The following AKAP13 variants were observed in gnomAD, a reference collection of about 807,000 sequenced individuals.
The protein encoded by AKAP13 is A-kinase anchor protein 13.
Under a neutral mutation model 264.5 loss-of-function variants are expected in AKAP13, and 80 were observed. That is an observed-to-expected ratio of 0.30 (90% CI 0.25 to 0.36). The LOEUF (loss-of-function observed/expected upper bound fraction) is 0.36. Among genes scored for constraint, AKAP13 ranks in the 10% least tolerant of loss-of-function variants. The probability of loss-of-function intolerance (pLI) is 1.00; values close to 1 mark genes in which losing one functional copy is unlikely to be tolerated. For missense variants in AKAP13, 3,712 were observed against 3,435.2 expected (o/e 1.08, Z -2.01); for synonymous variants, 1,380 against 1,250.2 (o/e 1.10, Z -2.19).
intron 1 of AKAP13, among the ~76,000 whole-genome samples, chr15:85,466,425 G>T (rs1401810858): frequency 1.3e-5 from 2 of 152,054 alleles, no homozygotes; most frequent in Non-Finnish European, 2.9e-5. Flanking sequence ...TGAAGTCCTT[G>T]CCCATGCCTA....
chr15:85,728,835 CAT>C (rs1210183266), intron 29 of AKAP13, among the ~76,000 whole-genome samples: 2 of 151,174 alleles, frequency 1.3e-5, no homozygotes, highest in Non-Finnish European at 2.9e-5. Context: ...ACAAGGGACT[CAT>C]GTAATTAAAA....
At chr15:85,523,994 G>T (rs1339193323) in intron 3 of AKAP13, among the ~76,000 whole-genome samples, 2 of 152,180 alleles carry the variant, frequency 1.3e-5, no homozygotes, top group Non-Finnish European at 2.9e-5. Context: ...TCCAGTCTTC[G>T]TGGAAAGTCC....
chr15:85,647,895 T>C (rs1370253199), intron 10 of AKAP13, among the ~76,000 whole-genome samples: 1 of 151,982 alleles, frequency 6.6e-6, no homozygotes, highest in Non-Finnish European at 1.5e-5. Context: ...GCCACTGCAC[T>C]CCAGCCTGGG....
chr15:85,526,252 T>C (rs1379674482), intron 3 of AKAP13, among the ~76,000 whole-genome samples: 1 of 151,958 alleles, frequency 6.6e-6, no homozygotes, highest in Non-Finnish European at 1.5e-5. Flanking sequence ...TTCTTTTTCT[T>C]TCTCTCTTTT....
intron 5 of AKAP13, among the ~76,000 whole-genome samples, chr15:85,552,549 G>T (rs2151236539): frequency 6.6e-6 from 1 of 151,866 alleles, no homozygotes; most frequent in East Asian, 1.9e-4. Context: ...ATGTATTTGA[G>T]GTACCTGATA....
chr15:85,500,877 C>G (rs1373057115), intron 2 of AKAP13, among the ~76,000 whole-genome samples: 2 of 152,148 alleles, frequency 1.3e-5, no homozygotes, highest in Non-Finnish European at 2.9e-5. Flanking sequence ...ACTGTTGACC[C>G]CATGTGATAT....
chr15:85,442,476 T>TATATATA (rs2073713784), intron 1 of AKAP13, among the ~76,000 whole-genome samples: 1 of 119,418 alleles, frequency 8.4e-6, no homozygotes, highest in African/African-American at 3.2e-5. Context: ...TAATATATAT[T>TATATATA]ATATAATATA....
intron 8 of AKAP13, among the ~76,000 whole-genome samples, chr15:85,634,740 C>T (rs1235491927): frequency 6.6e-6 from 1 of 152,058 alleles, no homozygotes; most frequent in African/African-American, 2.4e-5. Context: ...TCTTCTCCTT[C>T]ATTCTCTGCT....
chr15:85,390,854 T>A (rs1422032841), intron 1 of AKAP13, among the ~76,000 whole-genome samples: 1 of 152,190 alleles, frequency 6.6e-6, no homozygotes, highest in Non-Finnish European at 1.5e-5. Flanking sequence ...GGGGAAGATG[T>A]GGAATCAGTT....
intron 14 of AKAP13, among the ~76,000 whole-genome samples, chr15:85,670,298 A>G (rs1454057141): frequency 6.6e-6 from 1 of 151,924 alleles, no homozygotes; most frequent in African/African-American, 2.4e-5. Context: ...TTATATCCAT[A>G]ACTCTCCTTT....
At chr15:85,636,734 G>C (rs912792099) in intron 8 of AKAP13, among the ~76,000 whole-genome samples, 1 of 151,774 alleles carries the variant, frequency 6.6e-6, no homozygotes, top group Non-Finnish European at 1.5e-5. Flanking sequence ...CATGCCTCAG[G>C]CTCCCTAGTA....
At chr15:85,520,542 GT>G in intron 2 of AKAP13, 1 of 374,974 alleles carries the variant, frequency 2.7e-6, no homozygotes, top group Admixed American at 3.4e-5. Context: ...AGACAAAGAT[GT>G]CTTACCTTCT....
intron 1 of AKAP13, among the ~76,000 whole-genome samples, chr15:85,401,938 A>G (rs944167678): frequency 1.3e-5 from 2 of 152,350 alleles, no homozygotes; most frequent in African/African-American, 4.8e-5. Flanking sequence ...AATGTAAAGG[A>G]TAAATTCTGA....
intron 3 of AKAP13, among the ~76,000 whole-genome samples, chr15:85,533,157 A>G (rs1014443756): frequency 4.6e-5 from 7 of 152,196 alleles, no homozygotes; most frequent in African/African-American, 1.2e-4. Context: ...TATAACTTGT[A>G]TGAGTGATAT....
Position 85,741,324 on chromosome 15 carries a change from G to T in AKAP13, c.7887G>T (p.Gly2629=), listed in dbSNP as rs146148485. The T allele has an allele frequency of 6.2e-7, 1 of 1,613,230 alleles. No individual in the cohort carries two copies. The highest frequency in any genetic ancestry group is 8.5e-7 in the Non-Finnish European group (1 of 1,179,672). ...LAQREEEVQQ[G]QQDLEKEREE... Reference sequence around the variant, plus strand: ...AGCGCGAGGAGGAGGTGCAGCAGGGGCAGCAGGACCTGGAAAAGGAGCGGG... The same window carrying T: ...AGCGCGAGGAGGAGGTGCAGCAGGGTCAGCAGGACCTGGAAAAGGAGCGGG... The change falls in exon 35 of 37, where the codon GGG becomes GGT. Residue 2629 remains glycine (G), a synonymous_variant. Coordinates refer to ENST00000394518, the MANE Select transcript of AKAP13 (RefSeq NM_007200.5).
At chr15:85,620,677 G>A (rs1380292579) in intron 8 of AKAP13, among the ~76,000 whole-genome samples, 2 of 152,134 alleles carry the variant, frequency 1.3e-5, no homozygotes, top group East Asian at 3.9e-4. Context: ...TCTTTTGGAA[G>A]GATTTCCAAT....
Position 85,718,016 on chromosome 15 carries a change from C to G in AKAP13, c.5858C>G (p.Thr1953Arg). The G allele has an allele frequency of 6.2e-7, 1 of 1,613,932 alleles. No homozygotes were observed. The highest frequency in any genetic ancestry group is 8.5e-7 in the Non-Finnish European group (1 of 1,179,888). The change falls in exon 22 of 37, where the codon ACA becomes AGA. Residue 1953 changes from threonine (T) to arginine (R), a missense_variant. By Grantham distance (71) the Thr-to-Arg change is moderately conservative. Transcript: ENST00000394518. This position sits in a 1 kb window ranked among gnomAD's most constrained non-coding sequence, Gnocchi z 4.9. Reference sequence around the variant, plus strand: ...TTTTTGATATATTGAGGAGTAGGTACAGACATGAATGAAGGACAACTACTG... The same window carrying G: ...TTTTTGATATATTGAGGAGTAGGTAGAGACATGAATGAAGGACAACTACTG... Reference protein sequence around the residue: ...TESLTDEGVGTDMNEGQLLGD... With the variant: ...TESLTDEGVGRDMNEGQLLGD...
chr15:85,713,171 G>A (rs2086722051), intron 19 of AKAP13, among the ~76,000 whole-genome samples: 1 of 152,114 alleles, frequency 6.6e-6, no homozygotes, highest in African/African-American at 2.4e-5. Flanking sequence ...GGTAGAATAT[G>A]GATTGGTTAC....
chr15:85,690,775 T>G (rs1442288117), intron 16 of AKAP13, among the ~76,000 whole-genome samples: 1 of 152,348 alleles, frequency 6.6e-6, no homozygotes, highest in Admixed American at 6.5e-5. Flanking sequence ...CCTGGCAGCA[T>G]AGTGCAGTGT....
Sources: allele counts gnomAD v4.1 joint callset (sites outside exome capture counted in the v4.1 genomes callset), GRCh38; gene constraint gnomAD v4.1.1; non-coding constraint Gnocchi (gnomAD v3.1); transcripts MANE v1.5; gene names NCBI Gene and HGNC (gene_info 2026-07-23, HGNC 2026-07-21).